The following TBC1D1 variants were observed in gnomAD, a reference collection of about 807,000 sequenced individuals.
The protein encoded by TBC1D1 is TBC1 (tre-2/USP6, BUB2, cdc16) domain family, member 1.
A neutral mutation model predicts 125.6 loss-of-function variants in TBC1D1; 89 were observed. That is an observed-to-expected ratio of 0.71 (90% CI 0.60 to 0.85). TBC1D1 has a LOEUF of 0.85. TBC1D1 is among the 40% of genes least tolerant of loss of function. The pLI is 0.00. For missense variants in TBC1D1, 1,377 were observed against 1,469.2 expected (o/e 0.94, Z 1.03); for synonymous variants, 565 against 564.1 (o/e 1.00, Z -0.02).
rs557039558 is a variant in TBC1D1, at chr4:37,920,201, C to G, written c.417+17689C>G. Reference sequence around the variant, plus strand: ...GGGTACAAAAACCCAACAAAAAGCCCGTGTCGTTGAAGCACTTAGAGTCCG... The same window carrying G: ...GGGTACAAAAACCCAACAAAAAGCCGGTGTCGTTGAAGCACTTAGAGTCCG... On this transcript the variant is annotated intron_variant, in intron 2 of 19. Transcript: ENST00000261439. Among the ~76,000 whole-genome samples the G allele has an allele frequency of 3.9e-5, 6 of 152,308 alleles. No homozygotes were observed. In the South Asian group the frequency reaches 1.2e-3, roughly 32 times the overall value.
chr4:38,013,077 G>A (rs753349600), intron 2 of TBC1D1, among the ~76,000 whole-genome samples: 19 of 152,244 alleles, frequency 1.2e-4, no homozygotes, highest in Non-Finnish European at 1.9e-4. Flanking sequence ...ACAGGCATGA[G>A]CCACTGCGCC....
chr4:38,019,400 A>G (rs1743516899), intron 4 of TBC1D1, among the ~76,000 whole-genome samples: 1 of 152,194 alleles, frequency 6.6e-6, no homozygotes, highest in African/African-American at 2.4e-5. Context: ...CTACTGGAGA[A>G]GATTAATTGA....
intron 12 of TBC1D1, among the ~76,000 whole-genome samples, chr4:38,073,004 A>G (rs566035376): frequency 2.6e-5 from 4 of 151,510 alleles, no homozygotes; most frequent in Non-Finnish European, 5.9e-5. Flanking sequence ...TATATTTAAC[A>G]TTTTCTTCAT....
intron 3 of TBC1D1, among the ~76,000 whole-genome samples, chr4:38,018,009 T>C (rs1743182293): frequency 6.6e-6 from 1 of 152,242 alleles, no homozygotes; most frequent in African/African-American, 2.4e-5. Context: ...GTAAAAATCA[T>C]TCAAAAGTAT....
chr4:37,903,959 G>A (rs925635957), intron 2 of TBC1D1, among the ~76,000 whole-genome samples: 4 of 152,192 alleles, frequency 2.6e-5, no homozygotes, highest in African/African-American at 9.7e-5. Context: ...ATCATTTCAT[G>A]TTATTGTCCA....
chr4:38,133,221 A>G lies in TBC1D1; in HGVS notation c.3270A>G (p.Leu1090=), dbSNP rs145258995. The G allele has an allele frequency of 1.9e-6, 3 of 1,614,074 alleles. No individual in the cohort carries two copies. Among genetic ancestry groups the G allele is most frequent in the Non-Finnish European group, 2.5e-6 (3 of 1,180,030 alleles). ...AATTAGAGAAAACCAACAGCAGCTTACGCAAACAGAACCTTGACCTCCTTG... is the reference window on the plus strand; with the variant it reads ...AATTAGAGAAAACCAACAGCAGCTTGCGCAAACAGAACCTTGACCTCCTTG... Residue 1090 remains leucine, a synonymous_variant, in exon 19 of 20, where the codon TTA becomes TTG. Coordinates refer to ENST00000261439, the MANE Select transcript of TBC1D1 (RefSeq NM_015173.4).
chr4:37,989,839 T>C (rs1736198049), intron 2 of TBC1D1, among the ~76,000 whole-genome samples: 1 of 152,226 alleles, frequency 6.6e-6, no homozygotes, highest in Non-Finnish European at 1.5e-5. Flanking sequence ...AGGGACTCCT[T>C]GACAGTTTCT....
Position 37,996,672 on chromosome 4 carries a change from C to T in TBC1D1, c.418-17837C>T, listed in dbSNP as rs1040721077. The stretch of plus-strand genomic sequence containing the variant: ...ATAATTGATAGTTATAACACATGCT[C>T]AGAGCCCTTTCCTGTGATTGAGCCT... On this transcript the variant is annotated intron_variant, in intron 2 of 19. Coordinates refer to ENST00000261439, the MANE Select transcript of TBC1D1 (RefSeq NM_015173.4). Among the ~76,000 whole-genome samples the T allele has an allele frequency of 3.3e-5, 5 of 152,240 alleles. No individual in the cohort carries two copies. The South Asian group carries it at 8.3e-4, about 25-fold the overall frequency.
intron 15 of TBC1D1, among the ~76,000 whole-genome samples, chr4:38,107,422 A>G (rs552728139): frequency 1.3e-5 from 2 of 152,340 alleles, no homozygotes; most frequent in South Asian, 4.1e-4. Flanking sequence ...AGTATAAAGC[A>G]AAATCAAATC....
chr4:38,097,312 G>A lies in TBC1D1; in HGVS notation c.2398+1222G>A, dbSNP rs550465697. Among the ~76,000 whole-genome samples the A allele has an allele frequency of 1.5e-4, 22 of 150,744 alleles. No individual in the cohort carries two copies. In the East Asian group the frequency reaches 4.1e-3, roughly 28 times the overall value. On this transcript the variant is annotated intron_variant, in intron 14 of 19. Coordinates refer to ENST00000261439, the MANE Select transcript of TBC1D1 (RefSeq NM_015173.4). ...TGACTAGCTGGGATTACAGGCGCCC[G>A]GCACCATGCCTGGCTAATTTTTTGT...
chr4:38,112,840 G>A (rs1484590240), intron 15 of TBC1D1, among the ~76,000 whole-genome samples: 1 of 152,216 alleles, frequency 6.6e-6, no homozygotes, highest in Non-Finnish European at 1.5e-5. Flanking sequence ...TGTGTGACCT[G>A]ACTGTGGATG....
At chr4:38,095,396 CTT>C (rs1445629123) in intron 13 of TBC1D1, among the ~76,000 whole-genome samples, 2 of 152,210 alleles carry the variant, frequency 1.3e-5, no homozygotes, top group African/African-American at 2.4e-5. Flanking sequence ...CAGTAGCTCT[CTT>C]CATATATTTG....
rs1176372457 is a variant in TBC1D1 at position 38,034,474 on chromosome 4, GTTAAGAAAGGACTGGGTTTCT to G, written c.1303-1099_1303-1079del. Reference sequence around the variant, plus strand: ...GAACAACTTACCTTTAATCTTTTTCGTTAAGAAAGGACTGGGTTTCTTTAAGAAAGGACTGTCAGAAAGTCT... The same window carrying G: ...GAACAACTTACCTTTAATCTTTTTCGTTAAGAAAGGACTGTCAGAAAGTCT... On this transcript the variant is annotated intron_variant, in intron 7 of 19. Coordinates refer to ENST00000261439, the MANE Select transcript of TBC1D1 (RefSeq NM_015173.4). Among the ~76,000 whole-genome samples, 11 of 152,222 alleles carry G rather than the reference GTTAAGAAAGGACTGGGTTTCT, an allele frequency of 7.2e-5. No individual in the cohort carries two copies. In the East Asian group the frequency reaches 1.5e-3, roughly 21 times the overall value.
intron 13 of TBC1D1, among the ~76,000 whole-genome samples, chr4:38,090,874 C>G (rs1758309753): frequency 1.3e-5 from 2 of 152,210 alleles, no homozygotes; most frequent in South Asian, 2.1e-4. Context: ...TGCCCCAGAA[C>G]AATTTTGGAA....
intron 2 of TBC1D1, among the ~76,000 whole-genome samples, chr4:37,972,116 A>C (rs577464750): frequency 6.6e-6 from 1 of 152,290 alleles, no homozygotes; most frequent in South Asian, 2.1e-4. Context: ...AGTGTCTTTG[A>C]GCAATGACTA....
chr4:38,032,526 T>C (rs1746356073), intron 7 of TBC1D1, among the ~76,000 whole-genome samples: 1 of 152,128 alleles, frequency 6.6e-6, no homozygotes, highest in African/African-American at 2.4e-5. Flanking sequence ...TTCATAAAGT[T>C]AAATCACCTT....
chr4:38,053,352 T>G (rs764546543), intron 11 of TBC1D1, 127 bp downstream of exon 13: 22 of 838,772 alleles, frequency 2.6e-5, no homozygotes, highest in Non-Finnish European at 3.4e-5. Flanking sequence ...TGTTGTATCT[T>G]CTTTCTTATA....
rs187009859 is a variant in TBC1D1, at chr4:37,994,132, G to A, written c.418-20377G>A. On this transcript the variant is annotated intron_variant, in intron 2 of 19. Coordinates refer to ENST00000261439, the MANE Select transcript of TBC1D1 (RefSeq NM_015173.4). ...TGGAAGGTGGAGGCAGGCTCTCATC[G>A]CCTGTCTTTATTAAATAAAGCCCTA... Among the ~76,000 whole-genome samples, 50 of 152,250 alleles carry A rather than the reference G, an allele frequency of 3.3e-4. No individual in the cohort carries two copies. The East Asian group carries it at 4.8e-3, about 15-fold the overall frequency.
At chr4:38,039,528 A>C in intron 8 of TBC1D1, among the ~76,000 whole-genome samples, 1 of 152,118 alleles carries the variant, frequency 6.6e-6, no homozygotes. Context: ...TGTTGCATGT[A>C]TCAGTTGCTT....
Sources: gnomAD v4.1 joint callset for allele counts (sites outside exome capture counted in the v4.1 genomes callset) on GRCh38, gnomAD v4.1.1 for gene constraint, MANE v1.5 for transcripts, NCBI Gene and HGNC (gene_info 2026-07-23, HGNC 2026-07-21) for gene names.